ATP8B1: variants seen among roughly 807,000 people sequenced by gnomAD.
ATP8B1 encodes ATPase phospholipid transporting 8B1, also known as phospholipid-transporting ATPase IC.
A neutral mutation model predicts 149.9 loss-of-function variants in ATP8B1; 80 were observed. The ratio of observed to expected loss-of-function variants is 0.53; its 90% CI spans 0.45 to 0.64. ATP8B1 has a LOEUF of 0.64. ATP8B1 is among the 30% of genes least tolerant of loss of function. The probability of loss-of-function intolerance (pLI) is 0.00; values close to 1 mark genes in which losing one functional copy is unlikely to be tolerated. For synonymous variants in ATP8B1, 536 were observed against 562.8 expected (o/e 0.95, Z 0.67); for missense variants, 1,247 against 1,552.6 (o/e 0.80, Z 3.31).
At chr18:57,772,855 C>A (rs2080274943) in intron 1 of ATP8B1, among the ~76,000 whole-genome samples, 1 of 152,076 alleles carries the variant, frequency 6.6e-6, no homozygotes, top group Non-Finnish European at 1.5e-5. Context: ...GAAGCACCTG[C>A]AGAGGTGAGG....
At chr18:57,733,781 T>C (rs1220645393) in intron 1 of ATP8B1, among the ~76,000 whole-genome samples, 2 of 152,084 alleles carry the variant, frequency 1.3e-5, no homozygotes, top group Admixed American at 1.3e-4. Flanking sequence ...TCTATTTTTG[T>C]ACTATGGTTT....
In ATP8B1 at chr18:57,710,900, G is replaced by A. The variant is rs530164055; in HGVS notation, c.182-4313C>T. ...TCTGCCCACCTCGGCCTCCCAAAGTGCCGGGATAATGGGCATGAGCCACTG... is the reference window on the plus strand; with the variant it reads ...TCTGCCCACCTCGGCCTCCCAAAGTACCGGGATAATGGGCATGAGCCACTG... On this transcript the variant is annotated intron_variant, in intron 2 of 27. Transcript: ENST00000648908. Among the ~76,000 whole-genome samples, 3 of 152,310 alleles carry A rather than the reference G, an allele frequency of 2.0e-5. No individual in the cohort carries two copies. The East Asian group carries it at 5.8e-4, about 29-fold the overall frequency.
intron 15 of ATP8B1, among the ~76,000 whole-genome samples, chr18:57,682,151 C>T (rs960639966): frequency 6.6e-6 from 1 of 151,988 alleles, no homozygotes; most frequent in Non-Finnish European, 1.5e-5. Flanking sequence ...ATTATAGGCA[C>T]ATGCCACCAT....
intron 12 of ATP8B1, among the ~76,000 whole-genome samples, chr18:57,689,002 A>C (rs1353832026): frequency 6.6e-6 from 1 of 152,218 alleles, no homozygotes; most frequent in African/African-American, 2.4e-5. Context: ...TCTCCTAACC[A>C]CATGCATCAT....
rs566728161 is a variant in ATP8B1 at position 57,759,155 on chromosome 18, C to CAAA, written c.-25-27326_-25-27324dup. 5.8e-4 allele frequency among the ~76,000 whole-genome samples: 62 copies of CAAA among 106,298 alleles called. 1 individual carries two copies. Among genetic ancestry groups the CAAA allele is most frequent in the African/African-American group, 1.7e-3 (46 of 26,850 alleles). The allele number at this position is 106,298 out of a possible 152,430, so 69.7% of individuals were successfully genotyped here. On this transcript the variant is annotated intron_variant, in intron 1 of 27. Transcript: ENST00000648908. ...TGGGCGACAGAACGAGATTCCATCT[C>CAAA]AAAAAAAAAAAAAAAAAAAAAAAAA...
intron 23 of ATP8B1, among the ~76,000 whole-genome samples, chr18:57,654,870 A>G (rs1909887861): frequency 6.6e-6 from 1 of 150,514 alleles, no homozygotes; most frequent in Non-Finnish European, 1.5e-5. Flanking sequence ...TATTTTTAGT[A>G]GAGACCAGGT....
chr18:57,770,372 T>C (rs995372456), intron 1 of ATP8B1, among the ~76,000 whole-genome samples: 1 of 152,226 alleles, frequency 6.6e-6, no homozygotes, highest in African/African-American at 2.4e-5. Context: ...AAAATTTGTT[T>C]AGCACTTTCC....
chr18:57,719,972 C>T (rs893265459), intron 2 of ATP8B1, among the ~76,000 whole-genome samples: 10 of 152,048 alleles, frequency 6.6e-5, no homozygotes, highest in Non-Finnish European at 1.3e-4. Flanking sequence ...GGAGGCACCC[C>T]CCAGCAGGGG....
chr18:57,719,427 G>A (rs1054944331), intron 2 of ATP8B1, among the ~76,000 whole-genome samples: 2 of 152,232 alleles, frequency 1.3e-5, no homozygotes, highest in African/African-American at 4.8e-5. Context: ...CCGAAGCAAG[G>A]CGAGGCATTG....
At chr18:57,740,151 C>T (rs182275308) in intron 1 of ATP8B1, among the ~76,000 whole-genome samples, 4 of 151,996 alleles carry the variant, frequency 2.6e-5, no homozygotes, top group South Asian at 2.1e-4. Flanking sequence ...AGTTCAATGG[C>T]GCGATCTCAG....
chr18:57,739,912 G>A lies in ATP8B1; in HGVS notation c.-25-8080C>T, dbSNP rs116838021. Reference sequence around the variant, plus strand: ...CATCACTAGCACCTACCAGAGTCTGGCATATAGGAGGCTCGTTTGTTTCTG... The same window carrying A: ...CATCACTAGCACCTACCAGAGTCTGACATATAGGAGGCTCGTTTGTTTCTG... On this transcript the variant is annotated intron_variant, in intron 1 of 27. Transcript: ENST00000648908. Among the ~76,000 whole-genome samples the A allele has an allele frequency of 9.1e-3, 1,382 of 152,314 alleles. 18 individuals carry two copies. The highest frequency in any genetic ancestry group is 0.029 in the African/African-American group (1,222 of 41,568).
chr18:57,756,210 T>TATATATAC (rs747325321), intron 1 of ATP8B1, among the ~76,000 whole-genome samples: 1 of 109,054 alleles, frequency 9.2e-6, no homozygotes, highest in East Asian at 2.1e-4. Context: ...TATATATATA[T>TATATATAC]ACACACACAC....
chr18:57,763,553 A>C lies in ATP8B1; in HGVS notation c.-25-31721T>G, dbSNP rs565679272. ...TTGTTAGAACTAAACAGAACCTACT[A>C]GAATCAATTCTATTGATGTCATTTC... On this transcript the variant is annotated intron_variant, in intron 1 of 27. Transcript: ENST00000648908. Among the ~76,000 whole-genome samples, 14 of 152,342 alleles carry C rather than the reference A, an allele frequency of 9.2e-5. No homozygotes were observed. In the South Asian group the frequency reaches 2.9e-3, roughly 32 times the overall value.
chr18:57,753,948 AG>A (rs60496147), intron 1 of ATP8B1, among the ~76,000 whole-genome samples: 6,997 of 79,810 alleles, frequency 0.088, 483 homozygotes, highest in African/African-American at 0.13. Context: ...AAAAAAAAAA[AG>A]AAAGAAAGAA....
chr18:57,672,915 TA>T (rs1343573405), intron 16 of ATP8B1, among the ~76,000 whole-genome samples: 2 of 58,306 alleles, frequency 3.4e-5, no homozygotes, highest in Admixed American at 2.4e-4. Flanking sequence ...TATATATATA[TA>T]TATATATATA....
chr18:57,746,394 G>A (rs149170721), intron 1 of ATP8B1, among the ~76,000 whole-genome samples: 1 of 151,506 alleles, frequency 6.6e-6, no homozygotes, highest in African/African-American at 2.4e-5. Context: ...AATCTCTTAC[G>A]ATTTGTCCTG....
chr18:57,682,562 G>C (rs1170035523), intron 15 of ATP8B1, among the ~76,000 whole-genome samples: 1 of 152,182 alleles, frequency 6.6e-6, no homozygotes, highest in Non-Finnish European at 1.5e-5. Context: ...AAACCAAAGA[G>C]AACCAGGTGA....
chr18:57,710,584 A>AG (rs1913639952), intron 2 of ATP8B1, among the ~76,000 whole-genome samples: 1 of 152,206 alleles, frequency 6.6e-6, no homozygotes, highest in African/African-American at 2.4e-5. Flanking sequence ...AACATCAAAA[A>AG]GAAAAAAAAA....
chr18:57,693,539 C>T (rs2122881987), intron 11 of ATP8B1, among the ~76,000 whole-genome samples: 1 of 152,224 alleles, frequency 6.6e-6, no homozygotes, highest in South Asian at 2.1e-4. Flanking sequence ...GAAACCCCGT[C>T]TCTACTAAAA....
Sources: allele counts gnomAD v4.1 joint callset (sites outside exome capture counted in the v4.1 genomes callset), GRCh38; gene constraint gnomAD v4.1.1; transcripts MANE v1.5; gene names NCBI Gene and HGNC (gene_info 2026-07-23, HGNC 2026-07-21).